NIPA1: variants seen among roughly 807,000 people sequenced by gnomAD.
NIPA1 encodes the protein NIPA magnesium transporter 1, also known as magnesium transporter NIPA1.
NIPA1 carries 13 observed loss-of-function variants against 23.9 expected under a neutral mutation model. The observed-to-expected ratio is 0.54, with a 90% CI of 0.35 to 0.87. NIPA1 has a LOEUF of 0.87. Among genes scored for constraint, NIPA1 ranks in the 40% least tolerant of loss-of-function variants. The pLI, the probability that NIPA1 is intolerant of heterozygous loss-of-function variation, is 0.01. For synonymous variants in NIPA1, 234 were observed against 202.9 expected (o/e 1.15, Z -1.30); for missense variants, 362 against 429.7 (o/e 0.84, Z 1.39).
intron 1 of NIPA1, among the ~76,000 whole-genome samples, chr15:22,788,526 C>T (rs1045172735): frequency 1.7e-5 from 2 of 116,910 alleles, no homozygotes; most frequent in Non-Finnish European, 4.2e-5. Context: ...TCTTGCAGTA[C>T]ACCTGACCAG....
rs1259157599 is a variant in NIPA1, at chr15:22,823,717, C to CT, written c.479-10dup. 2 of 1,599,674 alleles carry CT rather than the reference C, an allele frequency of 1.3e-6. No individual in the cohort carries two copies. Among genetic ancestry groups the CT allele is most frequent in the Non-Finnish European group, 1.7e-6 (2 of 1,177,178 alleles). On this transcript the variant is annotated splice_polypyrimidine_tract_variant and intron_variant, in intron 4 of 4. Transcript: ENST00000337435. ...GTGGCTCCGGGTGACTGTGTGCTGT[C>CT]TGTGTTCCAGTGTTTGTGGGCTACC... is the stretch of plus-strand genomic sequence containing the variant.
At chr15:22,811,235 A>G (rs1895308866) in intron 2 of NIPA1, among the ~76,000 whole-genome samples, 1 of 152,216 alleles carries the variant, frequency 6.6e-6, no homozygotes, top group African/African-American at 2.4e-5. Flanking sequence ...GTCATGTGCT[A>G]TAATGTAAAG....
chr15:22,794,767 C>T (rs1440677541), intron 1 of NIPA1, among the ~76,000 whole-genome samples: 6 of 152,106 alleles, frequency 3.9e-5, no homozygotes, highest in African/African-American at 1.4e-4. Flanking sequence ...ACGCTCCCGT[C>T]CCTAGGTGGA....
chr15:22,824,044 C>T lies in NIPA1; in HGVS notation c.795C>T (p.Tyr265=), dbSNP rs750160025. The T allele has an allele frequency of 1.5e-5, 25 of 1,613,982 alleles. No homozygotes were observed. The highest frequency in any genetic ancestry group is 6.7e-5 in the African/African-American group (5 of 74,940). The change falls in exon 5 of 5, where the codon TAC becomes TAT. Residue 265 remains tyrosine, a synonymous_variant. Coordinates refer to ENST00000337435, the MANE Select transcript of NIPA1 (RefSeq NM_144599.5). The surrounding 1 kb of genome is among the most constrained non-coding windows in gnomAD (Gnocchi z 4.1). ...FDSSVFGAIY[Y]VVFTTLVLLA... Reference sequence around the variant, plus strand: ...CCTCGGTGTTCGGGGCCATCTACTACGTCGTGTTTACCACGCTGGTCCTGC... The same window carrying T: ...CCTCGGTGTTCGGGGCCATCTACTATGTCGTGTTTACCACGCTGGTCCTGC...
intron 1 of NIPA1, among the ~76,000 whole-genome samples, chr15:22,798,689 A>G (rs1308955537): frequency 1.3e-5 from 2 of 151,064 alleles, no homozygotes; most frequent in East Asian, 4.0e-4. Context: ...TCTACTAAAA[A>G]TACAAAAAAT....
At chr15:22,804,437 G>A (rs541767468) in intron 1 of NIPA1, among the ~76,000 whole-genome samples, 1 of 152,214 alleles carries the variant, frequency 6.6e-6, no homozygotes, top group South Asian at 2.1e-4. Flanking sequence ...TTCCTCTTGA[G>A]GAGCACGAAT....
At chr15:22,800,493 T>A (rs1461382411) in intron 1 of NIPA1, among the ~76,000 whole-genome samples, 2 of 151,946 alleles carry the variant, frequency 1.3e-5, no homozygotes, top group African/African-American at 4.8e-5. Context: ...TCATGTAATT[T>A]AAAAAATGAG....
chr15:22,789,407 G>A (rs1894783236), intron 1 of NIPA1, among the ~76,000 whole-genome samples: 1 of 152,154 alleles, frequency 6.6e-6, no homozygotes, highest in Admixed American at 6.5e-5. Flanking sequence ...CTCCCGTCCA[G>A]GAGGCCATTA....
chr15:22,818,153 C>CTCTTGCCGGTCGTG (rs1178638253), intron 3 of NIPA1, among the ~76,000 whole-genome samples: 1 of 152,064 alleles, frequency 6.6e-6, no homozygotes, highest in Non-Finnish European at 1.5e-5. Flanking sequence ...CACATAAAAA[C>CTCTTGCCGGTCGTG]TCTTGCCGGT....
Position 22,826,320 on chromosome 15 carries a change from A to G in NIPA1, c.*2081A>G, listed in dbSNP as rs1025699000. On this transcript the variant is annotated 3_prime_UTR_variant, in exon 5 of 5. Coordinates refer to ENST00000337435, the MANE Select transcript of NIPA1 (RefSeq NM_144599.5). The stretch of plus-strand genomic sequence containing the variant: ...CTCAATGGATGGTTAACAAATGCTC[A>G]AAGTCCATTACTCTTTTTATTGGCT... The G allele has an allele frequency of 3.3e-5, 5 of 152,190 alleles. No individual in the cohort carries two copies. Among genetic ancestry groups the G allele is most frequent in the African/African-American group, 1.2e-4 (5 of 41,452 alleles). The allele number at this position is 152,190 out of a possible 1,614,324, so 9.4% of individuals were successfully genotyped here.
chr15:22,808,737 A>G (rs1353099515), intron 1 of NIPA1, among the ~76,000 whole-genome samples: 1 of 144,544 alleles, frequency 6.9e-6, no homozygotes, highest in Non-Finnish European at 1.5e-5. Context: ...TGGCATGATC[A>G]TGGCTAACTG....
chr15:22,820,236 A>G (rs777956353), intron 3 of NIPA1, 77 bp from the exon 4 acceptor site: 2 of 1,043,964 alleles, frequency 1.9e-6, no homozygotes, highest in Admixed American at 1.8e-5. Context: ...TGGTTTTTCT[A>G]GATAAAATAT....
Position 22,827,683 on chromosome 15 carries a change from T to C in NIPA1, c.*3444T>C, listed in dbSNP as rs1023574182. On this transcript the variant is annotated 3_prime_UTR_variant, in exon 5 of 5. Coordinates refer to ENST00000337435, the MANE Select transcript of NIPA1 (RefSeq NM_144599.5). ...GTTCTTCTTTGGATTTCACATCTGT[T>C]TTCTGGTAGAAGTGAGCACTGTTCA... 6.6e-6 allele frequency: 1 copy of C among 152,188 alleles called. No homozygotes were observed. The highest frequency in any genetic ancestry group is 2.4e-5 in the African/African-American group (1 of 41,450). 9.4% of individuals were successfully genotyped at this position (152,188 alleles called of 1,614,324 possible).
chr15:22,786,587 C>G (rs1393266917), upstream of NIPA1: 6 of 569,212 alleles, frequency 1.1e-5, no homozygotes, highest in South Asian at 7.3e-5. Flanking sequence ...CCGCGCCTCC[C>G]GGTCACCCCC....
chr15:22,824,265 G>A lies in NIPA1; in HGVS notation c.*26G>A, dbSNP rs780789613. ...ATTGCAATAGGAGCTTGGATGGTTC[G>A]AGGAATAGGCATTGGAGGTGGTTTC... On this transcript the variant is annotated 3_prime_UTR_variant, in exon 5 of 5. Transcript: ENST00000337435. This position sits in a 1 kb window ranked among gnomAD's most constrained non-coding sequence, Gnocchi z 4.1. 5 of 1,597,370 alleles carry A rather than the reference G, an allele frequency of 3.1e-6. No individual in the cohort carries two copies. The highest frequency in any genetic ancestry group is 2.2e-5 in the East Asian group (1 of 44,810).
At chr15:22,799,329 C>T (rs916710958) in intron 1 of NIPA1, among the ~76,000 whole-genome samples, 1 of 152,088 alleles carries the variant, frequency 6.6e-6, no homozygotes, top group African/African-American at 2.4e-5. Flanking sequence ...AAATCAAATA[C>T]CACATGTTCT....
intron 3 of NIPA1, among the ~76,000 whole-genome samples, chr15:22,815,420 G>T (rs1272620205): frequency 6.6e-6 from 1 of 151,196 alleles, no homozygotes; most frequent in Non-Finnish European, 1.5e-5. Flanking sequence ...GCCAAGGCAG[G>T]TGGATCATTT....
Position 22,824,385 on chromosome 15 carries a change from T to G in NIPA1, c.*146T>G, listed in dbSNP as rs1020896804. On this transcript the variant is annotated 3_prime_UTR_variant, in exon 5 of 5. Transcript: ENST00000337435. The surrounding 1 kb of genome is among the most constrained non-coding windows in gnomAD (Gnocchi z 4.1). ...GTGGTCTGGTGGATAGCGGGGAGCA[T>G]GGCTCAGCACCAGAGCAGAGGCCCA... 3 of 783,252 alleles carry G rather than the reference T, an allele frequency of 3.8e-6. No individual in the cohort carries two copies. In the African/African-American group the frequency reaches 5.1e-5, roughly 13 times the overall value. 48.5% of individuals were successfully genotyped at this position (783,252 alleles called of 1,614,324 possible).
At chr15:22,801,148 T>G (rs560092980) in intron 1 of NIPA1, among the ~76,000 whole-genome samples, 1 of 152,180 alleles carries the variant, frequency 6.6e-6, no homozygotes, top group South Asian at 2.1e-4. Context: ...GTGGTTGTGT[T>G]CAGTCTGTCG....
Sources: allele counts gnomAD v4.1 joint callset (sites outside exome capture counted in the v4.1 genomes callset), GRCh38; gene constraint gnomAD v4.1.1; non-coding constraint Gnocchi (gnomAD v3.1); transcripts MANE v1.5; gene names NCBI Gene and HGNC (gene_info 2026-07-23, HGNC 2026-07-21).